Variants in FHIT observed in about 807,000 individuals in gnomAD.
FHIT encodes the protein bis(5'-adenosyl)-triphosphatase.
FHIT carries 19 observed loss-of-function variants against 17.9 expected under a neutral mutation model. The ratio of observed to expected loss-of-function variants is 1.06; its 90% CI spans 0.74 to 1.56. The LOEUF is 1.56. Among genes scored for constraint, FHIT ranks in the 40% most tolerant of loss-of-function variants. FHIT has a pLI of 0.00. For missense variants in FHIT, 248 were observed against 189.2 expected (o/e 1.31, Z -1.82); for synonymous variants, 81 against 69.7 (o/e 1.16, Z -0.81).
intron 7 of FHIT, among the ~76,000 whole-genome samples, chr3:59,964,852 T>C (rs1423751014): frequency 6.6e-6 from 1 of 152,178 alleles, no homozygotes; most frequent in Non-Finnish European, 1.5e-5. Context: ...ATCAATATAA[T>C]GCCACCAATG....
chr3:61,247,835 A>G (rs564013586), intron 1 of FHIT, among the ~76,000 whole-genome samples: 1 of 152,376 alleles, frequency 6.6e-6, no homozygotes, highest in South Asian at 2.1e-4. Context: ...CAACATGCTC[A>G]AAGCTTTAAA....
intron 3 of FHIT, among the ~76,000 whole-genome samples, chr3:61,033,289 C>A (rs966540390): frequency 6.6e-6 from 1 of 152,138 alleles, no homozygotes; most frequent in African/African-American, 2.4e-5. Context: ...TACATATTGT[C>A]TATGGCTGCT....
chr3:60,586,760 C>T (rs2107688310), intron 4 of FHIT, among the ~76,000 whole-genome samples: 1 of 152,138 alleles, frequency 6.6e-6, no homozygotes, highest in Admixed American at 6.6e-5. Flanking sequence ...CCAAATACTG[C>T]ATGAGCTTAC....
At chr3:60,248,730 T>C (rs1008377770) in intron 5 of FHIT, among the ~76,000 whole-genome samples, 1 of 152,110 alleles carries the variant, frequency 6.6e-6, no homozygotes, top group Admixed American at 6.6e-5. Context: ...CACCCCTACA[T>C]ATGCCACTTT....
intron 4 of FHIT, among the ~76,000 whole-genome samples, chr3:60,570,192 G>A (rs2037326075): frequency 6.6e-6 from 1 of 151,984 alleles, no homozygotes; most frequent in Admixed American, 6.6e-5. Flanking sequence ...AGAGTTTCAG[G>A]GAAAATAAAC....
At chr3:60,058,553 T>G (rs1702178056) in intron 5 of FHIT, among the ~76,000 whole-genome samples, 1 of 152,184 alleles carries the variant, frequency 6.6e-6, no homozygotes, top group Non-Finnish European at 1.5e-5. Flanking sequence ...CATGCTAAAT[T>G]TTATGTTATG....
At chr3:60,424,761 T>A (rs553579842) in intron 5 of FHIT, among the ~76,000 whole-genome samples, 1 of 152,146 alleles carries the variant, frequency 6.6e-6, no homozygotes. Flanking sequence ...AGAGCAACTT[T>A]TAATGTAGCA....
intron 5 of FHIT, among the ~76,000 whole-genome samples, chr3:60,423,872 A>G (rs1702566031): frequency 6.6e-6 from 1 of 152,100 alleles, no homozygotes; most frequent in Admixed American, 6.5e-5. Flanking sequence ...AGTTTTCCTA[A>G]TACCATAACA....
intron 3 of FHIT, among the ~76,000 whole-genome samples, chr3:60,996,961 T>C (rs566831272): frequency 3.3e-5 from 5 of 152,368 alleles, no homozygotes; most frequent in African/African-American, 1.2e-4. Flanking sequence ...CTCCTAAATT[T>C]CCATTTGAAA....
chr3:60,945,132 G>A (rs1307251908), intron 3 of FHIT, among the ~76,000 whole-genome samples: 1 of 152,134 alleles, frequency 6.6e-6, no homozygotes, highest in Non-Finnish European at 1.5e-5. Flanking sequence ...AGGATTCTCT[G>A]AGAAGATGAC....
At chr3:60,610,887 T>C (rs2038765393) in intron 4 of FHIT, among the ~76,000 whole-genome samples, 1 of 152,180 alleles carries the variant, frequency 6.6e-6, no homozygotes, top group South Asian at 2.1e-4. Flanking sequence ...AAGAAGGGCT[T>C]AGCAGCAGGC....
intron 8 of FHIT, among the ~76,000 whole-genome samples, chr3:59,850,564 G>A (rs575279866): frequency 1.3e-5 from 2 of 152,298 alleles, no homozygotes; most frequent in South Asian, 4.1e-4. Flanking sequence ...TAAAGGTCAA[G>A]CTATTAGAGT....
chr3:60,910,713 A>T (rs1553765682), intron 3 of FHIT, among the ~76,000 whole-genome samples: 1 of 152,284 alleles, frequency 6.6e-6, no homozygotes, highest in Non-Finnish European at 1.5e-5. Flanking sequence ...TGCCCGGCCC[A>T]GGTCTTTCTC....
intron 5 of FHIT, among the ~76,000 whole-genome samples, chr3:60,441,706 A>T (rs1249176641): frequency 6.8e-5 from 2 of 29,512 alleles, no homozygotes; most frequent in African/African-American, 6.5e-4. Context: ...AGGTATTTAT[A>T]TATATATATA....
intron 5 of FHIT, among the ~76,000 whole-genome samples, chr3:60,124,923 C>CTAGG (rs1288621017): frequency 6.6e-6 from 1 of 152,176 alleles, no homozygotes; most frequent in Non-Finnish European, 1.5e-5. Context: ...GAGGATCTTG[C>CTAGG]TAGGGGTCAA....
chr3:60,210,870 A>G lies in FHIT; in HGVS notation c.104-196718T>C, dbSNP rs184343104. 1.9e-4 allele frequency among the ~76,000 whole-genome samples: 29 copies of G among 152,276 alleles called. No homozygotes were observed. The East Asian group carries it at 5.6e-3, about 29-fold the overall frequency. Reference sequence around the variant, plus strand: ...ACCTAGCAAAATTACATATGTATTTATCCTTTGACACAGAATTGCACTTCT... The same window carrying G: ...ACCTAGCAAAATTACATATGTATTTGTCCTTTGACACAGAATTGCACTTCT... On this transcript the variant is annotated intron_variant, in intron 5 of 9. Coordinates refer to ENST00000492590, the MANE Select transcript of FHIT (RefSeq NM_002012.4).
At chr3:61,179,606 G>A (rs764946479) in intron 2 of FHIT, among the ~76,000 whole-genome samples, 2 of 149,258 alleles carry the variant, frequency 1.3e-5, no homozygotes, top group East Asian at 4.0e-4. Context: ...TACTTGGGAG[G>A]CTAAGACGGG....
rs186585016 is a variant in FHIT, at chr3:60,663,130, A to T, written c.-17-126151T>A. Among the ~76,000 whole-genome samples the T allele has an allele frequency of 1.6e-3, 223 of 143,710 alleles. 1 individual carries two copies. The highest frequency in any genetic ancestry group is 5.5e-3 in the African/African-American group (212 of 38,574). The allele number at this position is 143,710 out of a possible 152,430, so 94.3% of individuals were successfully genotyped here. On this transcript the variant is annotated intron_variant, in intron 4 of 9. Coordinates refer to ENST00000492590, the MANE Select transcript of FHIT (RefSeq NM_002012.4). ...CCATGTTGGTTTGATTACTATAGCT[A>T]TATAGCCCTAATATTGGGTGGAGAT...
intron 2 of FHIT, among the ~76,000 whole-genome samples, chr3:61,131,232 G>A (rs1282170486): frequency 1.3e-5 from 2 of 152,134 alleles, no homozygotes; most frequent in African/African-American, 4.8e-5. Flanking sequence ...TGCACAGAGT[G>A]AGTACTCAGT....
Sources: gnomAD v4.1 joint callset for allele counts (sites outside exome capture counted in the v4.1 genomes callset) on GRCh38, gnomAD v4.1.1 for gene constraint, MANE v1.5 for transcripts, NCBI Gene and HGNC (gene_info 2026-07-23, HGNC 2026-07-21) for gene names.